Variants in UBASH3A observed in about 807,000 individuals in gnomAD.
The protein encoded by UBASH3A is ubiquitin-associated and SH3 domain-containing protein A.
Under a neutral mutation model 73.5 loss-of-function variants are expected in UBASH3A, and 63 were observed. The ratio of observed to expected loss-of-function variants is 0.86; its 90% CI spans 0.70 to 1.06. UBASH3A has a LOEUF of 1.06. UBASH3A is among the 50% of genes least tolerant of loss of function. UBASH3A has a pLI of 0.00. For missense variants in UBASH3A, 860 were observed against 859.0 expected (o/e 1.00, Z -0.02); for synonymous variants, 363 against 351.1 (o/e 1.03, Z -0.38).
Position 42,408,883 on chromosome 21 carries a change from A to AAAAATAAAATAAAATAAAAT in UBASH3A, c.168-489_168-470dup, listed in dbSNP as rs537094372. 4.0e-3 allele frequency among the ~76,000 whole-genome samples: 460 copies of AAAAATAAAATAAAATAAAAT among 115,416 alleles called. 5 individuals carry two copies. Among genetic ancestry groups the AAAAATAAAATAAAATAAAAT allele is most frequent in the African/African-American group, 0.01 (290 of 28,974 alleles). The allele number at this position is 115,416 out of a possible 152,430, so 75.7% of individuals were successfully genotyped here. The stretch of plus-strand genomic sequence containing the variant: ...GGGTGACAGAGAAAGACTCCATCTC[A>AAAAATAAAATAAAATAAAAT]AAAATAAAATAAAATAAAATAAAAT... On this transcript the variant is annotated intron_variant, in intron 2 of 14. Transcript: ENST00000319294.
At chr21:42,434,786 T>C in intron 9 of UBASH3A, 46 bp from the exon 10 acceptor site, 1 of 1,593,904 alleles carries the variant, frequency 6.3e-7, no homozygotes, top group Non-Finnish European at 8.6e-7. Flanking sequence ...AACAAATCTG[T>C]ACTAACTTGA....
chr21:42,412,668 A>G (rs2053124193), intron 3 of UBASH3A, among the ~76,000 whole-genome samples: 1 of 152,136 alleles, frequency 6.6e-6, no homozygotes, highest in Non-Finnish European at 1.5e-5. Flanking sequence ...CAGAAGCCAA[A>G]TCATGCAAAC....
intron 7 of UBASH3A, among the ~76,000 whole-genome samples, chr21:42,418,860 C>T (rs1320687696): frequency 1.3e-5 from 2 of 152,152 alleles, no homozygotes; most frequent in African/African-American, 4.8e-5. Context: ...CAAATTACTG[C>T]AAAATACTAC....
rs745401763 is a variant in UBASH3A at position 42,409,500 on chromosome 21, G to T, written c.246G>T (p.Gly82=). 3.1e-6 allele frequency: 5 copies of T among 1,613,988 alleles called. No homozygotes were observed. Among genetic ancestry groups the T allele is most frequent in the South Asian group, 2.2e-5 (2 of 91,082 alleles). ...QEYALFLCPT[G]PLLEKLQEFW... ...ATGCCCTTTTCCTCTGTCCAACGGG[G>T]CCCCTGCTGGAAAAACTTCAAGAGT... Residue 82 remains glycine (G), a synonymous_variant, in exon 3 of 15, where the codon GGG becomes GGT. Coordinates refer to ENST00000319294, the MANE Select transcript of UBASH3A (RefSeq NM_018961.4).
chr21:42,444,669 G>A, intron 14 of UBASH3A, 26 bp downstream of exon 14: 4 of 1,538,188 alleles, frequency 2.6e-6, no homozygotes, highest in Non-Finnish European at 3.6e-6. Flanking sequence ...TGGCTCTTTG[G>A]GCCACAAAAT....
Position 42,413,092 on chromosome 21 carries a change from C to A in UBASH3A, c.423C>A (p.Ser141=), listed in dbSNP as rs1434172995. 3.1e-6 allele frequency: 5 copies of A among 1,614,226 alleles called. No individual in the cohort carries two copies. Among genetic ancestry groups the A allele is most frequent in the Non-Finnish European group, 4.2e-6 (5 of 1,180,024 alleles). Residue 141 remains serine (S), a synonymous_variant, in exon 4 of 15, where the codon TCC becomes TCA. Coordinates refer to ENST00000319294, the MANE Select transcript of UBASH3A (RefSeq NM_018961.4). This position sits in a 1 kb window ranked among gnomAD's most constrained non-coding sequence, Gnocchi z 4.5. ...GAGCTGGAGACAGGCTCCTGGGCTC[C>A]TTCCCCACGGCCGTGCCTCTGGCTC... ...LKRAGDRLLG[S]FPTAVPLALH...
At chr21:42,438,323 C>A (rs2053664613) in intron 11 of UBASH3A, among the ~76,000 whole-genome samples, 1 of 152,070 alleles carries the variant, frequency 6.6e-6, no homozygotes, top group South Asian at 2.1e-4. Context: ...TCTCAGAGAC[C>A]TAGGAAGTAA....
chr21:42,409,572 G>A lies in UBASH3A; in HGVS notation c.318G>A (p.Glu106=), dbSNP rs1242435899. ...AGTGTGCAAAGAACAGAGCTCATGA[G>A]GTCTTCCCACACGTGACACTCTGTG... ...KRQCAKNRAH[E]VFPHVTLCDF... Residue 106 remains glutamate, a synonymous_variant, in exon 3 of 15, where the codon GAG becomes GAA. Coordinates refer to ENST00000319294, the MANE Select transcript of UBASH3A (RefSeq NM_018961.4). 1 of 1,613,644 alleles carries A rather than the reference G, an allele frequency of 6.2e-7. No homozygotes were observed. The highest frequency in any genetic ancestry group is 2.2e-5 in the East Asian group (1 of 44,886).
chr21:42,410,433 T>C (rs2053067556), intron 3 of UBASH3A: 1 of 524,580 alleles, frequency 1.9e-6, no homozygotes, highest in Admixed American at 3.4e-5. Context: ...ACCAGGCCCC[T>C]CGGTGCTGGA....
At chr21:42,439,791 ACACACAC>A (rs1394162528) in intron 11 of UBASH3A, among the ~76,000 whole-genome samples, 50 of 136,352 alleles carry the variant, frequency 3.7e-4, no homozygotes, top group African/African-American at 1.1e-3. Context: ...CACACACCAC[ACACACAC>A]CACACACCAC....
rs1467519668 is a variant in UBASH3A, at chr21:42,409,421, G to A, written c.168-1G>A. On this transcript the variant is annotated splice_acceptor_variant, in intron 2 of 14. Transcript: ENST00000319294. LOFTEE classifies it high-confidence loss of function. Reference sequence around the variant, plus strand: ...TGATGCCGGCTTGCTCTCTGTTGCAGGCTGCATGATCATTGCAATGACCCT... The same window carrying A: ...TGATGCCGGCTTGCTCTCTGTTGCAAGCTGCATGATCATTGCAATGACCCT... 3.2e-6 allele frequency: 5 copies of A among 1,569,190 alleles called. No individual in the cohort carries two copies. In the African/African-American group the frequency reaches 5.5e-5, roughly 17 times the overall value.
intron 11 of UBASH3A, 123 bp downstream of exon 11, chr21:42,437,703 T>C (rs2053652229): frequency 1.2e-6 from 1 of 861,158 alleles, no homozygotes; most frequent in South Asian, 1.5e-5. Context: ...ACCAAAGTCA[T>C]CAGGCAAGTA....
intron 3 of UBASH3A, among the ~76,000 whole-genome samples, 180 bp from the exon 4 acceptor site, chr21:42,412,844 G>A (rs374615401): frequency 2.0e-5 from 3 of 152,296 alleles, no homozygotes; most frequent in African/African-American, 7.2e-5. Context: ...TGAAAAAACC[G>A]AGGTCCAGGT....
chr21:42,413,228 C>T lies in UBASH3A; in HGVS notation c.553+6C>T. Reference sequence around the variant, plus strand: ...GGAAGCATCTCTCTTAGCAGGTGGGCAGCCCTGGCCAGTTGCAAACACAGG... The same window carrying T: ...GGAAGCATCTCTCTTAGCAGGTGGGTAGCCCTGGCCAGTTGCAAACACAGG... On this transcript the variant is annotated splice_donor_region_variant and intron_variant, in intron 4 of 14. Transcript: ENST00000319294. The surrounding 1 kb of genome is among the most constrained non-coding windows in gnomAD (Gnocchi z 4.5). 6.2e-7 allele frequency: 1 copy of T among 1,614,076 alleles called. No individual in the cohort carries two copies. The highest frequency in any genetic ancestry group is 1.3e-5 in the African/African-American group (1 of 75,064).
Position 42,416,566 on chromosome 21 carries a change from G to T in UBASH3A, c.792G>T (p.Trp264Cys). The stretch of plus-strand genomic sequence containing the variant: ...TCCCCCTGGGCCACAGCTGCCAGTG[G>T]ACCGCAGCACTCTACTCCCGAGACA... ...RAIPLGHSCQ[W>C]TAALYSRDMR... The change falls in exon 6 of 15, where the codon TGG becomes TGT. Residue 264 changes from tryptophan to cysteine, a missense_variant. Transcript: ENST00000319294. The T allele has an allele frequency of 6.2e-7, 1 of 1,609,018 alleles. No individual in the cohort carries two copies.
At chr21:42,430,085 G>T (rs1026470559) in intron 8 of UBASH3A, among the ~76,000 whole-genome samples, 1 of 152,178 alleles carries the variant, frequency 6.6e-6, no homozygotes, top group Non-Finnish European at 1.5e-5. Flanking sequence ...CTGACCCCGA[G>T]AATGCTTTCA....
intron 9 of UBASH3A, among the ~76,000 whole-genome samples, chr21:42,432,738 C>T (rs2146574294): frequency 6.6e-6 from 1 of 152,294 alleles, no homozygotes; most frequent in African/African-American, 2.4e-5. Flanking sequence ...TCCAGAAGCC[C>T]AGCAGACCCA....
chr21:42,416,436 T>C lies in UBASH3A; in HGVS notation c.668-6T>C. ...TGGCACCCTCTGTGTTTCCCTGATT[T>C]CACAGACTGCTCCGTGAAGCCTTGC... On this transcript the variant is annotated splice_region_variant and splice_polypyrimidine_tract_variant and intron_variant, in intron 5 of 14. Transcript: ENST00000319294. The C allele has an allele frequency of 6.4e-7, 1 of 1,561,188 alleles. No individual in the cohort carries two copies. The highest frequency in any genetic ancestry group is 8.7e-7 in the Non-Finnish European group (1 of 1,155,394).
At chr21:42,422,212 A>G (rs983333941) in intron 7 of UBASH3A, among the ~76,000 whole-genome samples, 12 of 152,372 alleles carry the variant, frequency 7.9e-5, no homozygotes, top group Admixed American at 2.6e-4. Flanking sequence ...CCTAATGAAT[A>G]AGAACTTAGG....
Sources: gnomAD v4.1 joint callset for allele counts (sites outside exome capture counted in the v4.1 genomes callset) on GRCh38, gnomAD v4.1.1 for gene constraint, Gnocchi (gnomAD v3.1) non-coding constraint, MANE v1.5 for transcripts, NCBI Gene and HGNC (gene_info 2026-07-23, HGNC 2026-07-21) for gene names.